RGS7: variants seen among roughly 807,000 people sequenced by gnomAD.
RGS7 encodes the protein regulator of G-protein signaling 7.
RGS7 carries 27 observed loss-of-function variants against 81.1 expected under a neutral mutation model. The ratio of observed to expected loss-of-function variants is 0.33; its 90% CI spans 0.25 to 0.46. RGS7 has a LOEUF of 0.46. Among genes scored for constraint, RGS7 ranks in the 20% least tolerant of loss-of-function variants. The probability of loss-of-function intolerance (pLI) is 1.00; values close to 1 mark genes in which losing one functional copy is unlikely to be tolerated. For synonymous variants in RGS7, 208 were observed against 207.7 expected, an observed-to-expected ratio of 1.00 and a Z score of -0.01; for missense variants, 396 against 607.4, an observed-to-expected ratio of 0.65 and a Z score of 3.66.
At chr1:240,884,653 G>A (rs1458281620) in intron 6 of RGS7, among the ~76,000 whole-genome samples, 1 of 152,130 alleles carries the variant, frequency 6.6e-6, no homozygotes, top group Non-Finnish European at 1.5e-5. Flanking sequence ...ACAAGCAATG[G>A]GGAAAAGATT....
At chr1:240,887,253 G>C (rs1432721134) in intron 6 of RGS7, among the ~76,000 whole-genome samples, 1 of 76,758 alleles carries the variant, frequency 1.3e-5, no homozygotes, top group Non-Finnish European at 2.8e-5. Flanking sequence ...TTTTGAGATG[G>C]AGTCTTGCTC....
chr1:240,807,329 G>T (rs1689032875), intron 14 of RGS7, among the ~76,000 whole-genome samples: 1 of 152,174 alleles, frequency 6.6e-6, no homozygotes, highest in Non-Finnish European at 1.5e-5. Flanking sequence ...AAAAGGAGCT[G>T]CTAGGACTGT....
At chr1:241,088,043 CAT>C (rs1226972014) in intron 3 of RGS7, among the ~76,000 whole-genome samples, 1,076 of 90,052 alleles carry the variant, frequency 0.012, 18 homozygotes, top group African/African-American at 0.068. Context: ...TATATACACA[CAT>C]ATATATATAT....
intron 3 of RGS7, among the ~76,000 whole-genome samples, chr1:240,993,737 A>G (rs770327132): frequency 6.6e-6 from 1 of 151,840 alleles, no homozygotes; most frequent in East Asian, 1.9e-4. Flanking sequence ...TCAACTTTTT[A>G]TAGATTATAG....
intron 18 of RGS7, among the ~76,000 whole-genome samples, chr1:240,792,642 C>T (rs189532251): frequency 6.6e-6 from 1 of 152,266 alleles, no homozygotes; most frequent in Admixed American, 6.5e-5. Flanking sequence ...GCCTACTCTG[C>T]ACTGTTTTAA....
intron 18 of RGS7, among the ~76,000 whole-genome samples, chr1:240,780,632 T>C (rs946405415): frequency 2.0e-5 from 3 of 151,890 alleles, no homozygotes; most frequent in African/African-American, 7.3e-5. Context: ...GGAAGAAGAA[T>C]GGGCCGGGCG....
intron 3 of RGS7, among the ~76,000 whole-genome samples, chr1:240,993,680 T>C (rs1686860333): frequency 6.6e-6 from 1 of 152,062 alleles, no homozygotes; most frequent in Non-Finnish European, 1.5e-5. Flanking sequence ...TCACAAGGTC[T>C]TTTTCAGAAA....
intron 6 of RGS7, among the ~76,000 whole-genome samples, chr1:240,879,018 C>T (rs1250674113): frequency 6.6e-6 from 1 of 152,128 alleles, no homozygotes; most frequent in Admixed American, 6.6e-5. Flanking sequence ...TGGCGATAGG[C>T]ACAGTTTGAA....
intron 2 of RGS7, among the ~76,000 whole-genome samples, chr1:241,155,378 G>A (rs182333321): frequency 1.1e-4 from 17 of 152,166 alleles, no homozygotes; most frequent in South Asian, 6.2e-4. Flanking sequence ...GATTACAGGC[G>A]TGAGCCACCT....
intron 2 of RGS7, among the ~76,000 whole-genome samples, chr1:241,099,164 T>C (rs1198582060): frequency 2.0e-5 from 3 of 152,226 alleles, no homozygotes; most frequent in Non-Finnish European, 4.4e-5. Context: ...TAAAAGCATC[T>C]GCTTGAATTG....
At chr1:241,167,741 A>G (rs1169319276) in intron 2 of RGS7, among the ~76,000 whole-genome samples, 1 of 150,838 alleles carries the variant, frequency 6.6e-6, no homozygotes, top group East Asian at 1.9e-4. Context: ...GCTTGTCTCA[A>G]TCTCCTGACC....
At chr1:240,806,822 C>A (rs1400994795) in intron 14 of RGS7, among the ~76,000 whole-genome samples, 1 of 151,450 alleles carries the variant, frequency 6.6e-6, no homozygotes, top group Non-Finnish European at 1.5e-5. Context: ...GCAATGGGGG[C>A]TAGTATGGAG....
intron 6 of RGS7, among the ~76,000 whole-genome samples, chr1:240,909,939 G>A (rs1003809140): frequency 2.0e-5 from 3 of 152,096 alleles, no homozygotes; most frequent in South Asian, 2.1e-4. Flanking sequence ...GGTTTAGTTC[G>A]GTCACTTCCA....
At chr1:241,232,028 G>A (rs2686230) in intron 2 of RGS7, among the ~76,000 whole-genome samples, 87,936 of 151,928 alleles carry the variant, frequency 0.58, 25,672 homozygotes, top group African/African-American at 0.62. Context: ...ATTTAAATTC[G>A]CTGCTTTTTG....
intron 18 of RGS7, among the ~76,000 whole-genome samples, chr1:240,794,785 G>C (rs1038824822): frequency 3.3e-5 from 5 of 151,788 alleles, no homozygotes; most frequent in African/African-American, 1.2e-4. Context: ...ATTATTCACA[G>C]GTTTACACTG....
rs1481450048 is a variant in RGS7 at position 241,163,145 on chromosome 1, G to A, written c.79-64383C>T. Among the ~76,000 whole-genome samples, 1 of 152,158 alleles carries A rather than the reference G, an allele frequency of 6.6e-6. No individual in the cohort carries two copies. Among genetic ancestry groups the A allele is most frequent in the Non-Finnish European group, 1.5e-5 (1 of 68,024 alleles). The stretch of plus-strand genomic sequence containing the variant: ...ATTTGCGGCTTAACACAGCCAAAAG[G>A]TCAGAAAGGGGGTTCATTCGAGGGA... On this transcript the variant is annotated intron_variant, in intron 2 of 18. Coordinates refer to ENST00000440928, the MANE Select transcript of RGS7 (RefSeq NM_001364886.1). This position sits in a 1 kb window ranked among gnomAD's most constrained non-coding sequence, Gnocchi z 4.6.
intron 2 of RGS7, among the ~76,000 whole-genome samples, chr1:241,274,336 T>C (rs1352994972): frequency 6.6e-6 from 1 of 152,228 alleles, no homozygotes; most frequent in Non-Finnish European, 1.5e-5. Flanking sequence ...ACCTAATTGG[T>C]AGTATTAACC....
At chr1:241,285,138 G>A (rs2078742027) in intron 2 of RGS7, among the ~76,000 whole-genome samples, 1 of 152,118 alleles carries the variant, frequency 6.6e-6, no homozygotes, top group African/African-American at 2.4e-5. Flanking sequence ...CCAAAGTGCT[G>A]GGATTACAGG....
At chr1:241,138,833 T>A (rs1396066172) in intron 2 of RGS7, among the ~76,000 whole-genome samples, 1 of 152,126 alleles carries the variant, frequency 6.6e-6, no homozygotes, top group African/African-American at 2.4e-5. Context: ...TTTTAAAAAA[T>A]ATAACAAATC....
Sources: gnomAD v4.1 joint callset for allele counts (sites outside exome capture counted in the v4.1 genomes callset) on GRCh38, gnomAD v4.1.1 for gene constraint, Gnocchi (gnomAD v3.1) non-coding constraint, MANE v1.5 for transcripts, NCBI Gene and HGNC (gene_info 2026-07-23, HGNC 2026-07-21) for gene names.